The following HEATR4 variants were observed in gnomAD, a reference collection of about 807,000 sequenced individuals.
HEATR4 encodes the protein HEAT repeat-containing protein 4.
HEATR4 carries 95 observed loss-of-function variants against 108.8 expected under a neutral mutation model. The ratio of observed to expected loss-of-function variants is 0.87; its 90% CI spans 0.74 to 1.04. The LOEUF (loss-of-function observed/expected upper bound fraction) is 1.04. Ranked by LOEUF, HEATR4 falls within the 50% of genes least tolerant of loss-of-function variation. The pLI is 0.00. For missense variants in HEATR4, 1,152 were observed against 1,253.8 expected (o/e 0.92, Z 1.23); for synonymous variants, 443 against 459.4 (o/e 0.96, Z 0.46).
chr14:73,580,397 T>C, the HEATR4 span, among the ~76,000 whole-genome samples: 7 of 152,110 alleles, frequency 4.6e-5, no homozygotes, highest in African/African-American at 1.4e-4. Flanking sequence ...GTGCAGCTGC[T>C]CGCCACTTGT....
chr14:73,536,307 A>G (rs1423113384), intron 1 of HEATR4, among the ~76,000 whole-genome samples: 1 of 111,364 alleles, frequency 9.0e-6, no homozygotes, highest in Non-Finnish European at 1.9e-5. Flanking sequence ...GTTTGATGAA[A>G]AAAAAAAACC....
intron 5 of HEATR4, among the ~76,000 whole-genome samples, chr14:73,517,679 AAAG>A (rs1172353227): frequency 7.6e-4 from 114 of 149,802 alleles, no homozygotes; most frequent in African/African-American, 2.0e-3. Context: ...AAAAAAAAAA[AAAG>A]AAGAAGAAAA....
chr14:73,569,777 G>C, the HEATR4 span: 1 of 1,606,522 alleles, frequency 6.2e-7, no homozygotes, highest in East Asian at 2.2e-5. Context: ...CCGACCCCGG[G>C]CGGCTGCTGT....
At chr14:73,619,888 A>G in the HEATR4 span, 1 of 1,490,250 alleles carries the variant, frequency 6.7e-7, no homozygotes, top group African/African-American at 1.4e-5. Flanking sequence ...TATTCATACA[A>G]CTTGTGTTGG....
In HEATR4 at chr14:73,536,332, C is replaced by T. The variant is rs1245779686; in HGVS notation, c.-151-6088G>A. 2.7e-5 allele frequency among the ~76,000 whole-genome samples: 3 copies of T among 109,150 alleles called. 1 individual carries two copies. In the Admixed American group the frequency reaches 3.1e-4, roughly 11 times the overall value. 71.6% of individuals were successfully genotyped at this position (109,150 alleles called of 152,430 possible). A position where few individuals can be genotyped will look rare whatever the true frequency, so the allele number is the denominator to read the frequency against. On this transcript the variant is annotated intron_variant, in intron 1 of 17. Transcript: ENST00000553558. ...AAAAAAAAACCACCTCTGGTTGGAA[C>T]CAATAGCCTATGAAAAAGTAGAAAA...
chr14:73,568,610 A>G, the HEATR4 span, among the ~76,000 whole-genome samples: 1 of 151,988 alleles, frequency 6.6e-6, no homozygotes, highest in Admixed American at 6.6e-5. Flanking sequence ...ATAATTGAGA[A>G]ACCAGTAAAA....
intron 10 of HEATR4, among the ~76,000 whole-genome samples, chr14:73,503,916 T>C (rs1302345829): frequency 2.0e-5 from 3 of 152,146 alleles, no homozygotes; most frequent in African/African-American, 7.2e-5. Flanking sequence ...CATCTTTACC[T>C]CAACCCCTGC....
At chr14:73,569,286 A>G in the HEATR4 span, 3 of 1,613,864 alleles carry the variant, frequency 1.9e-6, no homozygotes, top group Non-Finnish European at 2.5e-6. Context: ...AGTTGTTCTC[A>G]GGTCTGAATT....
At position 73,555,638 on chromosome 14, in the gene HEATR4, C is replaced by G. The variant is rs1376810959; in HGVS notation, c.-152+3113G>C. ...GTGTGTCCACATCTTGCTTCTAAGG[C>G]AGGGGGCAATTTGATCCTAAACAGT... On this transcript the variant is annotated intron_variant, in intron 1 of 17. Coordinates refer to ENST00000553558, the MANE Select transcript of HEATR4 (RefSeq NM_001220484.1). Among the ~76,000 whole-genome samples the G allele has an allele frequency of 3.5e-5, 4 of 115,250 alleles. 2 individuals carry two copies. In the East Asian group the frequency reaches 2.7e-3, roughly 78 times the overall value. 75.6% of individuals were successfully genotyped at this position (115,250 alleles called of 152,430 possible). A position where few individuals can be genotyped will look rare whatever the true frequency, so the allele number is the denominator to read the frequency against.
chr14:73,504,076 CTTTT>C (rs538654870), intron 10 of HEATR4, among the ~76,000 whole-genome samples: 4 of 127,746 alleles, frequency 3.1e-5, no homozygotes, highest in African/African-American at 2.9e-5. Context: ...TTTTGCATTT[CTTTT>C]TTTTTTTTTT....
At chr14:73,555,084 AATTT>A (rs1451914286) in intron 1 of HEATR4, among the ~76,000 whole-genome samples, 1 of 114,004 alleles carries the variant, frequency 8.8e-6, no homozygotes, top group African/African-American at 2.8e-5. Flanking sequence ...TCAATGTAAA[AATTT>A]ATTTAAAGAA....
chr14:73,589,380 TATG>T, the HEATR4 span, among the ~76,000 whole-genome samples: 2 of 152,124 alleles, frequency 1.3e-5, no homozygotes, highest in Admixed American at 6.5e-5. Context: ...AGTGCAGTGG[TATG>T]ATCTCAGCTT....
the HEATR4 span, among the ~76,000 whole-genome samples, chr14:73,620,349 C>T: frequency 6.6e-6 from 1 of 152,182 alleles, no homozygotes; most frequent in Non-Finnish European, 1.5e-5. Context: ...GTAGGCTTAA[C>T]CTTGATCTTA....
the HEATR4 span, among the ~76,000 whole-genome samples, chr14:73,624,524 T>C: frequency 1.3e-5 from 2 of 152,140 alleles, no homozygotes; most frequent in Non-Finnish European, 2.9e-5. Context: ...ATAACTTTAG[T>C]GTAGGAGGAC....
At chr14:73,629,145 G>A in the HEATR4 span, among the ~76,000 whole-genome samples, 1 of 151,992 alleles carries the variant, frequency 6.6e-6, no homozygotes, top group Non-Finnish European at 1.5e-5. Context: ...CCTTCAAATG[G>A]AGGCAAAAAT....
At chr14:73,484,564 GAGACGGGGTTTCACTATGTTGGCC>G (rs1885373791) in intron 17 of HEATR4, among the ~76,000 whole-genome samples, 1 of 151,652 alleles carries the variant, frequency 6.6e-6, no homozygotes, top group Non-Finnish European at 1.5e-5. Context: ...TTTTTTAGTA[GAGACGGGGTTTCACTATGTTGGCC>G]AGGCTGGTCT....
the HEATR4 span, chr14:73,593,838 T>A: frequency 6.2e-7 from 1 of 1,614,114 alleles, no homozygotes; most frequent in African/African-American, 1.3e-5. Context: ...ATCTCCCCAA[T>A]AACATGGACA....
At chr14:73,562,104 A>G (rs1281856363), upstream of HEATR4, among the ~76,000 whole-genome samples, 2 of 152,024 alleles carry the variant, frequency 1.3e-5, no homozygotes, top group African/African-American at 4.8e-5. Flanking sequence ...GAGGTACCTA[A>G]AGTAGTCAAA....
rs747613225 is a variant in HEATR4 at position 73,519,171 on chromosome 14, C to T, written c.1070-8G>A. ...GGATGATCTGGACTTCATCTGTGAA[C>T]AGACAAAGAAACAATGAGTCCCCTA... On this transcript the variant is annotated splice_polypyrimidine_tract_variant and splice_region_variant and intron_variant, in intron 4 of 17. Transcript: ENST00000553558. 1 of 1,609,452 alleles carries T rather than the reference C, an allele frequency of 6.2e-7. No homozygotes were observed. Among genetic ancestry groups the T allele is most frequent in the Non-Finnish European group, 8.5e-7 (1 of 1,177,630 alleles).
Sources: gnomAD v4.1 joint callset for allele counts (sites outside exome capture counted in the v4.1 genomes callset) on GRCh38, gnomAD v4.1.1 for gene constraint, MANE v1.5 for transcripts, NCBI Gene and HGNC (gene_info 2026-07-23, HGNC 2026-07-21) for gene names.